Variants in ELOVL7 observed in about 807,000 individuals in gnomAD.
ELOVL7 encodes very long chain fatty acid elongase 7.
Under a neutral mutation model 35.7 loss-of-function variants are expected in ELOVL7, and 27 were observed. The observed-to-expected ratio is 0.76, with a 90% CI of 0.56 to 1.04. The LOEUF is 1.04. ELOVL7 is among the 50% of genes least tolerant of loss of function. The probability of loss-of-function intolerance (pLI) is 0.00; values close to 1 mark genes in which losing one functional copy is unlikely to be tolerated. For synonymous variants in ELOVL7, 113 were observed against 114.6 expected (o/e 0.99, Z 0.09); for missense variants, 327 against 340.8 (o/e 0.96, Z 0.32).
chr5:60,767,937 A>G (rs1742346290), intron 4 of ELOVL7, 34 bp from the exon 5 acceptor site: 4 of 1,560,314 alleles, frequency 2.6e-6, no homozygotes, highest in Non-Finnish European at 3.5e-6. Flanking sequence ...AAGAAAGGAA[A>G]GCATTTTCCC....
At chr5:60,797,835 A>G (rs1744357246) in intron 2 of ELOVL7, among the ~76,000 whole-genome samples, 1 of 152,238 alleles carries the variant, frequency 6.6e-6, no homozygotes, top group Admixed American at 6.5e-5. Flanking sequence ...GGGAAAAAGC[A>G]GCTGGGAACT....
At chr5:60,782,021 C>A (rs1191440067) in intron 3 of ELOVL7, among the ~76,000 whole-genome samples, 1 of 152,166 alleles carries the variant, frequency 6.6e-6, no homozygotes, top group Admixed American at 6.5e-5. Flanking sequence ...TTGCAAAAAA[C>A]AACCTTGGTC....
chr5:60,839,952 ACT>A (rs1747065228), intron 1 of ELOVL7, among the ~76,000 whole-genome samples: 1 of 151,504 alleles, frequency 6.6e-6, no homozygotes, highest in Non-Finnish European at 1.5e-5. Flanking sequence ...GAAAGCCATG[ACT>A]GTGCCACTGC....
At position 60,832,308 on chromosome 5, in the gene ELOVL7, T is replaced by C. The variant is rs759943149; in HGVS notation, c.-86+11852A>G. Among the ~76,000 whole-genome samples, 121 of 152,340 alleles carry C rather than the reference T, an allele frequency of 7.9e-4. 1 individual carries two copies. Among genetic ancestry groups the C allele is most frequent in the Middle Eastern group, 6.8e-3 (2 of 294 alleles). ...CTGTTAATAAGTAGATGGCAACTCC[T>C]ACTTGCTCTGTGCTCTGTCTACTGA... is the stretch of plus-strand genomic sequence containing the variant. On this transcript the variant is annotated intron_variant, in intron 1 of 8. Transcript: ENST00000508821.
intron 1 of ELOVL7, among the ~76,000 whole-genome samples, chr5:60,815,833 A>T (rs1030004952): frequency 6.6e-6 from 1 of 152,196 alleles, no homozygotes; most frequent in Non-Finnish European, 1.5e-5. Flanking sequence ...AGGTTTGCTA[A>T]AGCCAAGATG....
chr5:60,761,156 G>A (rs1563906), intron 7 of ELOVL7, among the ~76,000 whole-genome samples: 41,780 of 151,948 alleles, frequency 0.27, 9,569 homozygotes, highest in African/African-American at 0.63. Context: ...TCTGTAAACA[G>A]ACATCTCAGA....
intron 3 of ELOVL7, among the ~76,000 whole-genome samples, chr5:60,781,120 G>C (rs915573815): frequency 3.3e-5 from 5 of 151,540 alleles, no homozygotes; most frequent in Admixed American, 6.6e-5. Flanking sequence ...TGAGGCATGA[G>C]AAGAGCCTGA....
chr5:60,767,075 G>A (rs577132888), intron 5 of ELOVL7, among the ~76,000 whole-genome samples: 12 of 152,158 alleles, frequency 7.9e-5, no homozygotes, highest in Middle Eastern at 3.4e-3. Context: ...CTATACATAT[G>A]CCACATTTTG....
At chr5:60,776,913 G>T (rs1379170386) in intron 3 of ELOVL7, among the ~76,000 whole-genome samples, 1 of 152,154 alleles carries the variant, frequency 6.6e-6, no homozygotes, top group Non-Finnish European at 1.5e-5. Context: ...ATAAATAGGA[G>T]ATTATTTTGA....
intron 1 of ELOVL7, among the ~76,000 whole-genome samples, chr5:60,819,771 G>A (rs1179501719): frequency 6.6e-6 from 1 of 152,144 alleles, no homozygotes; most frequent in Non-Finnish European, 1.5e-5. Context: ...GGGTGACAGT[G>A]AGACTCTGTC....
At chr5:60,790,554 C>T (rs148729194) in intron 2 of ELOVL7, among the ~76,000 whole-genome samples, 1,953 of 152,308 alleles carry the variant, frequency 0.013, 22 homozygotes, top group Non-Finnish European at 0.017. Context: ...TGTATTGATA[C>T]ACCCAGTCTT....
chr5:60,779,791 T>C (rs185050623), intron 3 of ELOVL7, among the ~76,000 whole-genome samples: 1 of 152,290 alleles, frequency 6.6e-6, no homozygotes, highest in Admixed American at 6.5e-5. Context: ...CCCTAGAAAA[T>C]TGTATTTTCT....
intron 1 of ELOVL7, among the ~76,000 whole-genome samples, chr5:60,802,107 TATATATATATAC>T (rs1469751057): frequency 0.051 from 415 of 8,090 alleles, 46 homozygotes; most frequent in Middle Eastern, 0.14. Flanking sequence ...TATATATATA[TATATATATATAC>T]ACACACACAC....
chr5:60,835,339 CAAAAT>C (rs1331068261), intron 1 of ELOVL7, among the ~76,000 whole-genome samples: 1 of 151,770 alleles, frequency 6.6e-6, no homozygotes, highest in Non-Finnish European at 1.5e-5. Flanking sequence ...CAAAGCAAAA[CAAAAT>C]AAAACAACTA....
At chr5:60,837,223 C>T (rs1469699492) in intron 1 of ELOVL7, among the ~76,000 whole-genome samples, 8 of 149,086 alleles carry the variant, frequency 5.4e-5, no homozygotes, top group African/African-American at 2.0e-4. Flanking sequence ...CACCTGAGGT[C>T]GGGAGTCGAG....
chr5:60,764,117 A>G, intron 7 of ELOVL7, 110 bp downstream of exon 7: 2 of 723,466 alleles, frequency 2.8e-6, no homozygotes, highest in Non-Finnish European at 4.8e-6. Flanking sequence ...AAACAAAGTG[A>G]CTCTTTGATT....
chr5:60,796,819 G>A (rs1050819779), intron 2 of ELOVL7, among the ~76,000 whole-genome samples: 1 of 152,204 alleles, frequency 6.6e-6, no homozygotes, highest in Non-Finnish European at 1.5e-5. Context: ...AGAGGCAAAT[G>A]GATCAAGTGG....
chr5:60,752,055 A>C lies in ELOVL7; in HGVS notation c.*2569T>G, dbSNP rs572334792. ...ATGTAATAAACTAGATTTTGGAACT[A>C]TTTATTTTGTTGTTGTTGTTGCTTG... On this transcript the variant is annotated 3_prime_UTR_variant, in exon 9 of 9. Transcript: ENST00000508821. 6.6e-6 allele frequency: 1 copy of C among 152,316 alleles called. No individual in the cohort carries two copies. Among genetic ancestry groups the C allele is most frequent in the Admixed American group, 6.5e-5 (1 of 15,298 alleles). The allele number at this position is 152,316 out of a possible 1,614,324, so 9.4% of individuals were successfully genotyped here.
chr5:60,826,361 CTG>C (rs1222340650), intron 1 of ELOVL7, among the ~76,000 whole-genome samples: 1 of 152,026 alleles, frequency 6.6e-6, no homozygotes, highest in East Asian at 1.9e-4. Flanking sequence ...ACACCTGTAT[CTG>C]TGATTCTGAT....
Sources: allele counts gnomAD v4.1 joint callset (sites outside exome capture counted in the v4.1 genomes callset), GRCh38; gene constraint gnomAD v4.1.1; transcripts MANE v1.5; gene names NCBI Gene and HGNC (gene_info 2026-07-23, HGNC 2026-07-21).